The following ANKLE2 variants were observed in gnomAD, a reference collection of about 807,000 sequenced individuals.
ANKLE2 encodes the protein ankyrin repeat and LEM domain containing 2, also known as ankyrin repeat and LEM domain-containing protein 2.
In ANKLE2, 55 loss-of-function variants were observed where a neutral mutation model predicts 84.2. That is an observed-to-expected ratio of 0.65 (90% CI 0.53 to 0.82). The LOEUF (loss-of-function observed/expected upper bound fraction) is 0.82, where lower values mean the gene tolerates loss of function less well. Ranked by LOEUF, ANKLE2 falls within the 40% of genes least tolerant of loss-of-function variation. The pLI is 0.00. For synonymous variants in ANKLE2, 551 were observed against 486.1 expected (o/e 1.13, Z -1.76); for missense variants, 1,238 against 1,201.9 (o/e 1.03, Z -0.44).
intron 7 of ANKLE2, among the ~76,000 whole-genome samples, chr12:132,740,696 T>C (rs2044102350): frequency 6.6e-6 from 1 of 152,062 alleles, no homozygotes; most frequent in Non-Finnish European, 1.5e-5. Context: ...CAGAGGAAGA[T>C]GGCAGGGAAA....
Position 132,727,427 on chromosome 12 carries a change from C to T in ANKLE2, c.2632G>A (p.Val878Met), listed in dbSNP as rs1028586964. 5 of 1,556,710 alleles carry T rather than the reference C, an allele frequency of 3.2e-6. No individual in the cohort carries two copies. In the Admixed American group the frequency reaches 5.8e-5, roughly 18 times the overall value. Residue 878 changes from valine to methionine, a missense_variant, in exon 13 of 13, where the codon GTG becomes ATG. Val to Met is a conservative substitution (Grantham distance 21). Coordinates refer to ENST00000357997, the MANE Select transcript of ANKLE2 (RefSeq NM_015114.3). ...SDRQSWPSPA[V>M]KGRFKSQLPD... The stretch of plus-strand genomic sequence containing the variant: ...AGCTGAGACTTGAACCTTCCTTTCA[C>T]CGCGGGACTGGGCCAACTGCGGAAA...
chr12:132,744,272 G>A (rs2044188897), intron 5 of ANKLE2, among the ~76,000 whole-genome samples: 1 of 152,166 alleles, frequency 6.6e-6, no homozygotes, highest in South Asian at 2.1e-4. Context: ...ACATCCCACA[G>A]GCAGCTCCAC....
intron 1 of ANKLE2, chr12:132,761,063 C>A (rs994141015): frequency 6.6e-6 from 1 of 151,856 alleles, no homozygotes; most frequent in African/African-American, 2.4e-5. Context: ...AAACTTAAAA[C>A]GACCAAAACC....
chr12:132,749,096 C>G (rs536404029), intron 3 of ANKLE2: 1 of 152,098 alleles, frequency 6.6e-6, no homozygotes, highest in South Asian at 2.1e-4. Context: ...CACGCAAGAC[C>G]TTCGATGTGC....
intron 1 of ANKLE2, chr12:132,758,902 CGG>C (rs2044540447): frequency 6.8e-6 from 1 of 146,578 alleles, no homozygotes; most frequent in Non-Finnish European, 1.5e-5. Flanking sequence ...TGGATCGCTG[CGG>C]AGTGGCACCC....
chr12:132,730,886 A>G (rs1190132717), intron 10 of ANKLE2: 1 of 152,410 alleles, frequency 6.6e-6, no homozygotes, highest in African/African-American at 2.4e-5. Flanking sequence ...CGCCAAGGGC[A>G]GCCCAGGTGA....
At chr12:132,746,599 G>A (rs979109618) in intron 5 of ANKLE2, among the ~76,000 whole-genome samples, 10 of 152,152 alleles carry the variant, frequency 6.6e-5, no homozygotes, top group African/African-American at 2.2e-4. Flanking sequence ...TAGCTTTAAT[G>A]AAAAGCAAAT....
Position 132,750,670 on chromosome 12 carries a change from G to A in ANKLE2, c.820C>T (p.Pro274Ser), listed in dbSNP as rs1566032769. 1.2e-6 allele frequency: 2 copies of A among 1,614,104 alleles called. No individual in the cohort carries two copies. Among genetic ancestry groups the A allele is most frequent in the Admixed American group, 3.3e-5 (2 of 60,000 alleles). Residue 274 changes from proline to serine, a missense_variant, in exon 3 of 13, where the codon CCA becomes TCA. Coordinates refer to ENST00000357997, the MANE Select transcript of ANKLE2 (RefSeq NM_015114.3). ...TTCAACCTGTCATTGCTAAAGAGTG[G>A]AGCTGTTTTCACAGGAGACAGTGGT... ...SLPLSPVKTAPLFSNDRLKDG... is the reference protein window; with the variant it reads ...SLPLSPVKTASLFSNDRLKDG...
intron 7 of ANKLE2, among the ~76,000 whole-genome samples, chr12:132,740,185 G>A (rs540651640): frequency 2.0e-5 from 3 of 152,330 alleles, no homozygotes; most frequent in African/African-American, 2.4e-5. Flanking sequence ...CCTCTGCAGC[G>A]ACGCCTCAAC....
At chr12:132,760,985 T>C (rs1383662432) in intron 1 of ANKLE2, 1 of 152,206 alleles carries the variant, frequency 6.6e-6, no homozygotes, top group Admixed American at 6.6e-5. Context: ...GTTCCCGGGA[T>C]TTCAAGAGTT....
intron 11 of ANKLE2, among the ~76,000 whole-genome samples, chr12:132,728,779 G>C (rs532392360): frequency 6.6e-6 from 1 of 152,156 alleles, no homozygotes; most frequent in Non-Finnish European, 1.5e-5. Context: ...GGATCCACCC[G>C]CTGTTAAAAT....
intron 2 of ANKLE2, 192 bp from the exon 3 acceptor site, chr12:132,751,041 A>G: frequency 1.7e-6 from 1 of 590,044 alleles, no homozygotes; most frequent in Non-Finnish European, 3.0e-6. Context: ...GACAGTGTGC[A>G]TATATGCATG....
Position 132,729,755 on chromosome 12 carries a change from A to G in ANKLE2, c.2407T>C (p.Leu803=), listed in dbSNP as rs758700836. The G allele has an allele frequency of 3.1e-6, 5 of 1,611,708 alleles. No individual in the cohort carries two copies. Among genetic ancestry groups the G allele is most frequent in the South Asian group, 1.1e-5 (1 of 90,998 alleles). Residue 803 remains leucine, a synonymous_variant, in exon 11 of 13, where the codon TTG becomes CTG. Transcript: ENST00000357997. ...TCGTGCCTGGGGCTGCTGGGACTCA[A>G]GGACATTTTAGCGATCCTGGCTGAC... ...EMSARIAKMS[L]SPSSPRHEDQ...
Position 132,729,857 on chromosome 12 carries a change from C to T in ANKLE2, c.2305G>A (p.Ala769Thr), listed in dbSNP as rs1346187941. Reference sequence around the variant, plus strand: ...GGCTCTAACAAGTCTCTTTCTACTGCATTGATTCTTGAAGTCAGGATCTGA... The same window carrying T: ...GGCTCTAACAAGTCTCTTTCTACTGTATTGATTCTTGAAGTCAGGATCTGA... ...KDQILTSRINAVERDLLEPSP... is the reference protein window; with the variant it reads ...KDQILTSRINTVERDLLEPSP... Residue 769 changes from alanine (A) to threonine (T), a missense_variant, in exon 11 of 13, where the codon GCA becomes ACA. Physicochemically the swap from Ala to Thr is moderately conservative, Grantham distance 58. Transcript: ENST00000357997. 1.2e-6 allele frequency: 2 copies of T among 1,613,652 alleles called. No homozygotes were observed. Among genetic ancestry groups the T allele is most frequent in the East Asian group, 2.2e-5 (1 of 44,822 alleles).
rs1241597421 is a variant in ANKLE2, at chr12:132,734,504, G to C, written c.1772C>G (p.Ser591Cys). The C allele has an allele frequency of 6.2e-7, 1 of 1,613,988 alleles. No individual in the cohort carries two copies. The highest frequency in any genetic ancestry group is 1.1e-5 in the South Asian group (1 of 91,086). ...TAGTCTTTGCAGGCCTTCCTGGGAA[G>C]ACAGATCAACAAAACAGCCCAGAAA... Reference protein sequence around the residue: ...WEFLGCFVDLSSQEGLQRLEE... With the variant: ...WEFLGCFVDLCSQEGLQRLEE... The change falls in exon 10 of 13, where the codon TCT becomes TGT. Residue 591 changes from serine to cysteine, a missense_variant. By Grantham distance (112) the Ser-to-Cys change is moderately radical. Coordinates refer to ENST00000357997, the MANE Select transcript of ANKLE2 (RefSeq NM_015114.3).
In ANKLE2 at chr12:132,743,048, C is replaced by T; in HGVS notation, c.1353+106G>A. On this transcript the variant is annotated intron_variant, in intron 6 of 12. Transcript: ENST00000357997. The surrounding 1 kb of genome is among the most constrained non-coding windows in gnomAD (Gnocchi z 4.1). ...ATGTGCCCATAAAGCAAACACAACTCATACAGAGCTCCTTGTGGCTTCCCT... is the reference window on the plus strand; with the variant it reads ...ATGTGCCCATAAAGCAAACACAACTTATACAGAGCTCCTTGTGGCTTCCCT... 9.2e-7 allele frequency: 1 copy of T among 1,087,796 alleles called. No homozygotes were observed. Among genetic ancestry groups the T allele is most frequent in the African/African-American group, 1.6e-5 (1 of 61,748 alleles). The allele number at this position is 1,087,796 out of a possible 1,614,324, so 67.4% of individuals were successfully genotyped here. A position where few individuals can be genotyped will look rare whatever the true frequency, so the allele number is the denominator to read the frequency against.
chr12:132,735,480 TGGA>T lies in ANKLE2; in HGVS notation c.1623_1625del (p.Pro543del). On this transcript the variant is annotated inframe_deletion, in exon 9 of 13. Coordinates refer to ENST00000357997, the MANE Select transcript of ANKLE2 (RefSeq NM_015114.3). ...GAAGGAAGCCTGCTTTCTCTCGAGG[TGGA>T]GTTTTCCAGAGCTTGCGAAAATCTT... The T allele has an allele frequency of 2.5e-6, 4 of 1,613,598 alleles. No homozygotes were observed. The highest frequency in any genetic ancestry group is 3.4e-6 in the Non-Finnish European group (4 of 1,179,910).
intron 7 of ANKLE2, 60 bp downstream of exon 7, chr12:132,741,359 A>G (rs1056294431): frequency 7.1e-6 from 11 of 1,558,792 alleles, no homozygotes; most frequent in East Asian, 6.7e-5. Context: ...GTGTCCCCCA[A>G]CGCTCCAAGG....
Position 132,761,749 on chromosome 12 carries a change from TC to T in ANKLE2, c.49del (p.Glu17SerfsTer9). On this transcript the variant is annotated frameshift_variant, in exon 1 of 13. Transcript: ENST00000357997. LOFTEE classifies it high-confidence loss of function. Reference protein sequence around the residue: ...AAAEWAALAWELLGASVLLIA... With the variant: ...AAAEWAALAWXLLGASVLLIA... ...CAGCAGCACCGAGGCGCCCAGCAGC[TC>T]CCAGGCCAGCGCCGCCCACTCGGCC... 1.6e-6 allele frequency: 2 copies of T among 1,263,620 alleles called. No individual in the cohort carries two copies. The highest frequency in any genetic ancestry group is 1.0e-6 in the Non-Finnish European group (1 of 999,486). The allele number at this position is 1,263,620 out of a possible 1,614,324, so 78.3% of individuals were successfully genotyped here.
Sources: gnomAD v4.1 joint callset for allele counts (sites outside exome capture counted in the v4.1 genomes callset) on GRCh38, gnomAD v4.1.1 for gene constraint, Gnocchi (gnomAD v3.1) non-coding constraint, MANE v1.5 for transcripts, NCBI Gene and HGNC (gene_info 2026-07-23, HGNC 2026-07-21) for gene names.